CNTN6: variants seen among roughly 807,000 people sequenced by gnomAD.
CNTN6 encodes the protein contactin-6.
A neutral mutation model predicts 122.8 loss-of-function variants in CNTN6; 137 were observed. The observed-to-expected ratio is 1.12, with a 90% CI of 0.97 to 1.29. CNTN6 has a LOEUF of 1.29. Among genes scored for constraint, CNTN6 ranks in the 50% most tolerant of loss-of-function variants. The probability of loss-of-function intolerance (pLI) is 0.00; values close to 1 mark genes in which losing one functional copy is unlikely to be tolerated. For synonymous variants in CNTN6, 570 were observed against 426.0 expected (o/e 1.34, Z -4.16); for missense variants, 1,634 against 1,223.4 (o/e 1.34, Z -5.01).
At chr3:1,308,943 C>A (rs989742062) in intron 7 of CNTN6, among the ~76,000 whole-genome samples, 1 of 152,046 alleles carries the variant, frequency 6.6e-6, no homozygotes, top group East Asian at 1.9e-4. Context: ...TTTAGTAAGA[C>A]GTCTGCTTAT....
chr3:1,395,397 A>C (rs1694861476), intron 20 of CNTN6, among the ~76,000 whole-genome samples: 1 of 152,070 alleles, frequency 6.6e-6, no homozygotes, highest in Non-Finnish European at 1.5e-5. Flanking sequence ...CCAAAGGATA[A>C]TTTGTTTCCT....
At chr3:1,281,987 C>T (rs1416497492) in intron 5 of CNTN6, among the ~76,000 whole-genome samples, 3 of 49,078 alleles carry the variant, frequency 6.1e-5, no homozygotes, top group East Asian at 1.8e-3. Context: ...TAGGTATACA[C>T]ACACACACAC....
At chr3:1,307,968 TC>T (rs1474158026) in intron 7 of CNTN6, among the ~76,000 whole-genome samples, 6 of 152,156 alleles carry the variant, frequency 3.9e-5, no homozygotes, top group African/African-American at 7.2e-5. Context: ...TTTCTCCCAC[TC>T]CATACTGACT....
At chr3:1,106,681 G>C (rs995135252) in intron 1 of CNTN6, among the ~76,000 whole-genome samples, 1 of 152,088 alleles carries the variant, frequency 6.6e-6, no homozygotes, top group Non-Finnish European at 1.5e-5. Context: ...CTGTGGACTT[G>C]ACTGTTACTT....
chr3:1,180,937 C>T (rs2093542693), intron 2 of CNTN6, among the ~76,000 whole-genome samples: 1 of 152,120 alleles, frequency 6.6e-6, no homozygotes, highest in Non-Finnish European at 1.5e-5. Flanking sequence ...TAGTTTCTTC[C>T]TCACTTGTTC....
intron 1 of CNTN6, among the ~76,000 whole-genome samples, chr3:1,100,333 A>C (rs535371013): frequency 6.6e-6 from 1 of 152,282 alleles, no homozygotes; most frequent in Non-Finnish European, 1.5e-5. Flanking sequence ...ATTCTGTTCC[A>C]TGATCTTCTG....
rs115904769 is a variant in CNTN6, at chr3:1,278,437, C to G, written c.383C>G (p.Thr128Arg). 6.2e-7 allele frequency: 1 copy of G among 1,608,162 alleles called. No homozygotes were observed. Among genetic ancestry groups the G allele is most frequent in the South Asian group, 1.1e-5 (1 of 90,318 alleles). The change falls in exon 5 of 23, where the codon ACA (threonine) becomes AGA (arginine). Residue 128 changes from threonine (T) to arginine (R), a missense_variant. Coordinates refer to ENST00000446702, the MANE Select transcript of CNTN6 (RefSeq NM_001289080.2). ...FAYIEDFETK[T>R]RSTVSVREGQ... ...GATATTGAAGACTTTGAAACTAAAA[C>G]AAGAAGCACAGTATCTGTCCGAGAA...
intron 22 of CNTN6, 59 bp downstream of exon 22, chr3:1,402,545 T>C: frequency 7.0e-7 from 1 of 1,433,740 alleles, no homozygotes; most frequent in Non-Finnish European, 9.6e-7. Context: ...CAGCATGAAA[T>C]TCAGCTCCAT....
Position 1,102,633 on chromosome 3 carries a change from C to T in CNTN6, c.-83+9513C>T, listed in dbSNP as rs530861394. On this transcript the variant is annotated intron_variant, in intron 1 of 22. Transcript: ENST00000446702. ...GTCCCAGCTACTCGGGAGGCTGAGG[C>T]AGGAGAATGGCGGGAACCCGGGGGG... Among the ~76,000 whole-genome samples the T allele has an allele frequency of 8.0e-3, 1,205 of 149,742 alleles. 1 individual carries two copies. Among genetic ancestry groups the T allele is most frequent in the Non-Finnish European group, 0.013 (902 of 66,950 alleles).
At chr3:1,209,969 T>C (rs2094011566) in intron 2 of CNTN6, among the ~76,000 whole-genome samples, 1 of 152,236 alleles carries the variant, frequency 6.6e-6, no homozygotes, top group Admixed American at 6.5e-5. Context: ...GATGTATCTC[T>C]CTACTTAGAC....
At chr3:1,279,358 A>T (rs915741683) in intron 5 of CNTN6, among the ~76,000 whole-genome samples, 1 of 121,708 alleles carries the variant, frequency 8.2e-6, no homozygotes, top group African/African-American at 3.2e-5. Context: ...CCATGGAGTC[A>T]TTTGGTACAA....
chr3:1,396,540 C>T lies in CNTN6; in HGVS notation c.2705-4893C>T, dbSNP rs1181697166. On this transcript the variant is annotated intron_variant, in intron 20 of 22. Transcript: ENST00000446702. ...CATCTGAAAAATAGAGATGAAGATACTTACCTCTAGCGATTTCTCTGAGAA... is the reference window on the plus strand; with the variant it reads ...CATCTGAAAAATAGAGATGAAGATATTTACCTCTAGCGATTTCTCTGAGAA... 2.6e-5 allele frequency among the ~76,000 whole-genome samples: 4 copies of T among 152,126 alleles called. No homozygotes were observed. The East Asian group carries it at 7.7e-4, about 29-fold the overall frequency.
chr3:1,305,729 T>C (rs556439538), intron 7 of CNTN6, among the ~76,000 whole-genome samples: 15 of 152,278 alleles, frequency 9.9e-5, no homozygotes, highest in African/African-American at 3.6e-4. Flanking sequence ...TAAATAACAT[T>C]AGTAGCAGCA....
intron 7 of CNTN6, among the ~76,000 whole-genome samples, chr3:1,298,896 A>G (rs1696738231): frequency 6.6e-6 from 1 of 152,138 alleles, no homozygotes; most frequent in Admixed American, 6.5e-5. Context: ...CTCTAAATCC[A>G]AAGTCTATTC....
At chr3:1,176,410 C>T (rs970451798) in intron 2 of CNTN6, among the ~76,000 whole-genome samples, 2 of 152,122 alleles carry the variant, frequency 1.3e-5, no homozygotes, top group African/African-American at 2.4e-5. Flanking sequence ...AACTCTGCCT[C>T]AGAAAAAAGC....
intron 5 of CNTN6, among the ~76,000 whole-genome samples, chr3:1,281,201 T>C (rs3864030): frequency 0.05 from 7,600 of 152,252 alleles, 289 homozygotes; most frequent in Non-Finnish European, 0.071. Flanking sequence ...ATCTTGGGAT[T>C]TTGCCCTACA....
At chr3:1,262,410 G>A (rs904147569) in intron 4 of CNTN6, among the ~76,000 whole-genome samples, 1 of 152,150 alleles carries the variant, frequency 6.6e-6, no homozygotes, top group South Asian at 2.1e-4. Flanking sequence ...GGAACCTAGA[G>A]AGGGAGGAAG....
At chr3:1,331,106 G>A (rs762672840) in intron 11 of CNTN6, among the ~76,000 whole-genome samples, 3 of 151,910 alleles carry the variant, frequency 2.0e-5, no homozygotes, top group African/African-American at 4.8e-5. Context: ...GGGTCTCTGT[G>A]GTTTGTGTAG....
rs151023682 is a variant in CNTN6, at chr3:1,182,423, G to T, written c.55+34360G>T. ...ATTAATATAGAACTATAGTTACTTG[G>T]TAGTTTATCTTGAGCAAGTCTTGTT... On this transcript the variant is annotated intron_variant, in intron 2 of 22. Coordinates refer to ENST00000446702, the MANE Select transcript of CNTN6 (RefSeq NM_001289080.2). Among the ~76,000 whole-genome samples, 325 of 152,216 alleles carry T rather than the reference G, an allele frequency of 2.1e-3. 4 individuals are homozygous for T. The highest frequency in any genetic ancestry group is 7.4e-3 in the African/African-American group (309 of 41,542).
Sources: allele counts gnomAD v4.1 joint callset (sites outside exome capture counted in the v4.1 genomes callset), GRCh38; gene constraint gnomAD v4.1.1; transcripts MANE v1.5; gene names NCBI Gene and HGNC (gene_info 2026-07-23, HGNC 2026-07-21).